Variants in LINGO1 observed in about 807,000 individuals in gnomAD.
LINGO1 encodes leucine-rich repeat and immunoglobulin-like domain-containing nogo receptor-interacting protein 1.
In LINGO1, 11 loss-of-function variants were observed where a neutral mutation model predicts 37.3. That is an observed-to-expected ratio of 0.29 (90% CI 0.19 to 0.49). LINGO1 has a LOEUF of 0.49. Ranked by LOEUF, LINGO1 falls within the 20% of genes least tolerant of loss-of-function variation. LINGO1 has a pLI of 0.99. For synonymous variants in LINGO1, 387 were observed against 403.0 expected, an observed-to-expected ratio of 0.96 and a Z score of 0.48; for missense variants, 585 against 878.2, an observed-to-expected ratio of 0.67 and a Z score of 4.22.
chr15:77,696,418 G>A (rs1331476914), exon 1 of LINGO1: 1 of 152,382 alleles, frequency 6.6e-6, no homozygotes, highest in African/African-American at 2.4e-5. Flanking sequence ...AAGGCCACTG[G>A]TCAGCCAGGT....
chr15:77,781,104 G>A (rs934938222), intron 1 of LINGO1, among the ~76,000 whole-genome samples: 2 of 152,358 alleles, frequency 1.3e-5, no homozygotes, highest in Middle Eastern at 3.4e-3. Flanking sequence ...AATCCTCAGT[G>A]ATTTCTTTGA....
intron 3 of LINGO1, among the ~76,000 whole-genome samples, chr15:77,642,226 G>C (rs79204323): frequency 0.016 from 2,420 of 152,304 alleles, 66 homozygotes; most frequent in African/African-American, 0.055. Context: ...GCAGTGGGAG[G>C]GGAGACAGCT....
rs78059264 is a variant in LINGO1, at chr15:77,720,328, G to A, written c.-195+14664C>T. Among the ~76,000 whole-genome samples the A allele has an allele frequency of 1.8e-4, 28 of 152,320 alleles. No individual in the cohort carries two copies. In the East Asian group the frequency reaches 5.0e-3, roughly 27 times the overall value. On this transcript the variant is annotated intron_variant, in intron 2 of 3. Transcript: ENST00000561686. ...GCCAAGCAGTGCCCCGGCCTGTCCC[G>A]CCCCAATGGCCAGTCCCGCCGCCCG...
intron 1 of LINGO1, among the ~76,000 whole-genome samples, chr15:77,757,459 G>T (rs1456935225): frequency 6.6e-6 from 1 of 152,226 alleles, no homozygotes; most frequent in Non-Finnish European, 1.5e-5. Context: ...GCCCCCACAG[G>T]CTCACAGGGA....
At chr15:77,787,682 C>T (rs916453539), upstream of LINGO1, among the ~76,000 whole-genome samples, 3 of 152,092 alleles carry the variant, frequency 2.0e-5, no homozygotes, top group Admixed American at 1.3e-4. Flanking sequence ...CACACGAGGC[C>T]GGTGTGCCCA....
chr15:77,684,674 G>T (rs8034919), intron 2 of LINGO1, among the ~76,000 whole-genome samples: 8,154 of 152,286 alleles, frequency 0.054, 764 homozygotes, highest in African/African-American at 0.19. Context: ...GGCTGGGCTG[G>T]GGGTGGGGAC....
At chr15:77,820,472 T>C (rs187054427), upstream of LINGO1, 1 of 152,298 alleles carries the variant, frequency 6.6e-6, no homozygotes, top group African/African-American at 2.4e-5. Flanking sequence ...CGACAATGGG[T>C]GTGCGGCGGT....
intron 1 of LINGO1, among the ~76,000 whole-genome samples, chr15:77,624,426 C>T (rs557544940): frequency 4.6e-5 from 7 of 152,108 alleles, no homozygotes; most frequent in Non-Finnish European, 8.8e-5. Context: ...ACCCTAGGCA[C>T]GCACTCGGCC....
At chr15:77,797,773 G>C (rs2076885241) in intron 1 of LINGO1, among the ~76,000 whole-genome samples, 1 of 152,246 alleles carries the variant, frequency 6.6e-6, no homozygotes, top group South Asian at 2.1e-4. Flanking sequence ...GGAAGGATGG[G>C]TGGATGGGGC....
rs778404312 is a variant in LINGO1 at position 77,705,870 on chromosome 15, G to A, written c.-194-14969C>T. Among the ~76,000 whole-genome samples the A allele has an allele frequency of 1.7e-3, 258 of 152,200 alleles. 4 individuals are homozygous for A. The highest frequency in any genetic ancestry group is 6.2e-4 in the South Asian group (3 of 4,824). On this transcript the variant is annotated intron_variant, in intron 2 of 3. Coordinates refer to the LINGO1 transcript ENST00000561686. ...CACCACGGTCACAATGGAGGTGAGG[G>A]GCCCACTGATGCCTGAAATCCCACC...
intron 2 of LINGO1, among the ~76,000 whole-genome samples, chr15:77,701,811 C>G (rs537744395): frequency 3.3e-5 from 5 of 152,278 alleles, no homozygotes; most frequent in African/African-American, 1.2e-4. Context: ...GATGCAGATG[C>G]CAGCACCATG....
intron 1 of LINGO1, among the ~76,000 whole-genome samples, chr15:77,620,937 A>AG (rs1375487882): frequency 2.6e-5 from 4 of 152,154 alleles, no homozygotes; most frequent in Non-Finnish European, 4.4e-5. Flanking sequence ...CTGGAGGTCC[A>AG]GGGGGGCAGG....
intron 1 of LINGO1, among the ~76,000 whole-genome samples, chr15:77,630,871 G>A (rs1402131987): frequency 2.0e-5 from 3 of 152,136 alleles, no homozygotes; most frequent in African/African-American, 7.2e-5. Flanking sequence ...GGAGTTATTG[G>A]TCTCTCCCCG....
chr15:77,621,246 G>C (rs774302835), intron 1 of LINGO1, among the ~76,000 whole-genome samples: 2 of 152,074 alleles, frequency 1.3e-5, no homozygotes, highest in African/African-American at 2.4e-5. Flanking sequence ...CTAGAGACAG[G>C]GTTTCACCAT....
chr15:77,653,287 T>C (rs907929397), intron 3 of LINGO1, among the ~76,000 whole-genome samples: 4 of 152,188 alleles, frequency 2.6e-5, no homozygotes, highest in Non-Finnish European at 5.9e-5. Context: ...CTGCTGTTCT[T>C]TCCCCACCAG....
At chr15:77,747,396 G>A (rs2076324703) in intron 1 of LINGO1, among the ~76,000 whole-genome samples, 2 of 152,106 alleles carry the variant, frequency 1.3e-5, no homozygotes. Context: ...CATGCCCAGG[G>A]ACTCTTCCCT....
At chr15:77,651,560 T>C (rs562592676) in intron 3 of LINGO1, 11 of 152,320 alleles carry the variant, frequency 7.2e-5, no homozygotes, top group African/African-American at 2.6e-4. Flanking sequence ...AATTTCTACC[T>C]AGAAGGCACT....
chr15:77,794,569 C>CAT (rs1449328072), intron 2 of LINGO1, among the ~76,000 whole-genome samples: 4 of 53,576 alleles, frequency 7.5e-5, no homozygotes, highest in African/African-American at 2.4e-4. Context: ...TATACACACA[C>CAT]ACATATATAT....
At chr15:77,773,393 C>T (rs1387011997) in intron 1 of LINGO1, among the ~76,000 whole-genome samples, 1 of 152,190 alleles carries the variant, frequency 6.6e-6, no homozygotes, top group African/African-American at 2.4e-5. Context: ...TTGACCTTGA[C>T]ACAGCAGCCC....
Sources: gnomAD v4.1 joint callset for allele counts (sites outside exome capture counted in the v4.1 genomes callset) on GRCh38, gnomAD v4.1.1 for gene constraint, MANE v1.5 for transcripts, NCBI Gene and HGNC (gene_info 2026-07-23, HGNC 2026-07-21) for gene names.